OR10A2: variants seen among roughly 807,000 people sequenced by gnomAD.
OR10A2 encodes olfactory receptor 10A2.
A neutral mutation model predicts 13.7 loss-of-function variants in OR10A2; 15 were observed. That is an observed-to-expected ratio of 1.10 (90% confidence interval 0.73 to 1.69). The LOEUF (loss-of-function observed/expected upper bound fraction) is 1.69, where lower values mean the gene tolerates loss of function less well. Ranked by LOEUF, OR10A2 falls within the 40% of genes most tolerant of loss-of-function variation. The pLI is 0.00. For synonymous variants in OR10A2, 145 were observed against 144.7 expected (o/e 1.00, Z -0.02); for missense variants, 343 against 361.1 (o/e 0.95, Z 0.41).
chr11:6,866,449 A>G lies in OR10A2; in HGVS notation c.-133+3098A>G, dbSNP rs141653033. Among the ~76,000 whole-genome samples, 365 of 152,258 alleles carry G rather than the reference A, an allele frequency of 2.4e-3. 5 individuals are homozygous for G. The highest frequency in any genetic ancestry group is 8.5e-3 in the African/African-American group (352 of 41,536). The stretch of plus-strand genomic sequence containing the variant: ...TTTTTTAATTTTAGCTTATCAGCCA[A>G]TTCTTCTTCCCATGTGGCCCAGGGA... On this transcript the variant is annotated intron_variant, in intron 1 of 1. Transcript: ENST00000641461.
intron 1 of OR10A2, among the ~76,000 whole-genome samples, chr11:6,863,782 G>T (rs1335779336): frequency 6.6e-6 from 1 of 152,162 alleles, no homozygotes; most frequent in East Asian, 1.9e-4. Flanking sequence ...TACAGTCAGA[G>T]AAGGCCTAGA....
intron 1 of OR10A2, among the ~76,000 whole-genome samples, chr11:6,864,571 A>T (rs1848365591): frequency 6.6e-6 from 1 of 152,182 alleles, no homozygotes; most frequent in Non-Finnish European, 1.5e-5. Flanking sequence ...GGATAGAGGA[A>T]AATAGAGAAG....
Position 6,870,137 on chromosome 11 carries a change from G to A in OR10A2, c.383G>A (p.Arg128His), listed in dbSNP as rs142536668. The A allele has an allele frequency of 1.2e-4, 189 of 1,614,196 alleles. No homozygotes were observed. The African/African-American group carries it at 2.2e-3, about 19-fold the overall frequency. Residue 128 changes from arginine to histidine, a missense_variant, in exon 2 of 2, where the codon CGT becomes CAT. Physicochemically the swap from Arg to His is conservative, Grantham distance 29. Transcript: ENST00000641461. ...CCAGTCATCATGAACCAAAGGACTC[G>A]TGCCAAACTGGCTGCTGCCTCCTGG... The part of the protein sequence containing the change: ...HYPVIMNQRT[R>H]AKLAAASWFP...
In OR10A2 at chr11:6,872,955, G is replaced by A. The variant is rs1251933815; in HGVS notation, c.*2289G>A. The A allele has an allele frequency of 6.6e-6, 1 of 151,122 alleles. No homozygotes were observed. Among genetic ancestry groups the A allele is most frequent in the African/African-American group, 2.4e-5 (1 of 41,032 alleles). The allele number at this position is 151,122 out of a possible 1,614,324, so 9.4% of individuals were successfully genotyped here. On this transcript the variant is annotated 3_prime_UTR_variant, in exon 2 of 2. Coordinates refer to ENST00000641461, the MANE Select transcript of OR10A2 (RefSeq NM_001004460.2). ...ATGCCTCAGCCTCTTGAGTAGCTGG[G>A]ATTACAGGCGTGCCAAGCCATGCCC...
intron 1 of OR10A2, among the ~76,000 whole-genome samples, chr11:6,868,333 T>A (rs1405729779): frequency 6.6e-6 from 1 of 152,142 alleles, no homozygotes; most frequent in African/African-American, 2.4e-5. Flanking sequence ...AAATAAGTTG[T>A]CTGCTGCTTG....
At position 6,870,622 on chromosome 11, in the gene OR10A2, A is replaced by G. The variant is rs1452894394; in HGVS notation, c.868A>G (p.Arg290Gly). ...RNNEVKNALS[R>G]TVSKALALRN... ...TAACGAGGTGAAGAATGCCCTCAGC[A>G]GGACGGTCTCTAAGGCCCTAGCCCT... is the stretch of plus-strand genomic sequence containing the variant. The change falls in exon 2 of 2, where the codon AGG becomes GGG. Residue 290 changes from arginine (R) to glycine (G), a missense_variant. Arg to Gly is a moderately radical substitution (Grantham distance 125). Transcript: ENST00000641461. 9.9e-6 allele frequency: 16 copies of G among 1,609,896 alleles called. No homozygotes were observed. The highest frequency in any genetic ancestry group is 1.4e-5 in the Non-Finnish European group (16 of 1,177,948).
intron 1 of OR10A2, among the ~76,000 whole-genome samples, chr11:6,868,588 A>G (rs1848398409): frequency 6.6e-6 from 1 of 152,202 alleles, no homozygotes; most frequent in Non-Finnish European, 1.5e-5. Flanking sequence ...TAATATATCC[A>G]AAACACTGAC....
chr11:6,870,689 T>C lies in OR10A2; in HGVS notation c.*23T>C. On this transcript the variant is annotated 3_prime_UTR_variant, in exon 2 of 2. Coordinates refer to ENST00000641461, the MANE Select transcript of OR10A2 (RefSeq NM_001004460.2). Reference sequence around the variant, plus strand: ...TAGACCTTAGGAAGTAAGGCTACATTTTACTGGATGAGAAACAATCAGTCC... The same window carrying C: ...TAGACCTTAGGAAGTAAGGCTACATCTTACTGGATGAGAAACAATCAGTCC... 6.7e-7 allele frequency: 1 copy of C among 1,495,142 alleles called. No individual in the cohort carries two copies. Among genetic ancestry groups the C allele is most frequent in the South Asian group, 1.3e-5 (1 of 74,228 alleles). 92.6% of individuals were successfully genotyped at this position (1,495,142 alleles called of 1,614,324 possible).
rs1312176543 is a variant in OR10A2, at chr11:6,863,352, G to A, written c.-133+1G>A. The A allele has an allele frequency of 7.2e-6, 1 of 137,958 alleles. No homozygotes were observed. Among genetic ancestry groups the A allele is most frequent in the East Asian group, 2.3e-4 (1 of 4,344 alleles). The allele number at this position is 137,958 out of a possible 1,614,324, so 8.5% of individuals were successfully genotyped here. A position where few individuals can be genotyped will look rare whatever the true frequency, so the allele number is the denominator to read the frequency against. Reference sequence around the variant, plus strand: ...AGGCAGATGTTCCTGTTGGACACAGGTAAGCCTTTTTTTTTTTTTTTTTTT... The same window carrying A: ...AGGCAGATGTTCCTGTTGGACACAGATAAGCCTTTTTTTTTTTTTTTTTTT... On this transcript the variant is annotated splice_donor_variant, in intron 1 of 1. Coordinates refer to ENST00000641461, the MANE Select transcript of OR10A2 (RefSeq NM_001004460.2). LOFTEE classifies it low-confidence loss of function (5UTR_SPLICE).
In OR10A2 at chr11:6,869,665, T is replaced by A. The variant is rs375768283; in HGVS notation, c.-90T>A. 8.3e-5 allele frequency: 92 copies of A among 1,108,672 alleles called. No homozygotes were observed. The African/African-American group carries it at 1.3e-3, about 16-fold the overall frequency. 68.7% of individuals were successfully genotyped at this position (1,108,672 alleles called of 1,614,324 possible). ...AACAAATTGAGAATCTGACTTCCAA[T>A]CAATAATCTTTCTCCATGACCACAG... On this transcript the variant is annotated 5_prime_UTR_variant, in exon 2 of 2. Coordinates refer to ENST00000641461, the MANE Select transcript of OR10A2 (RefSeq NM_001004460.2).
rs2741760 is a variant in OR10A2, at chr11:6,873,611, C to G, written c.*2945C>G. On this transcript the variant is annotated 3_prime_UTR_variant, in exon 2 of 2. Transcript: ENST00000641461. The stretch of plus-strand genomic sequence containing the variant: ...TAAGGAACACAAAGCATTTTTGTGT[C>G]ACTGAAAAATCAGCTACACTGGGGA... 0.98 allele frequency: 149,107 copies of G among 152,328 alleles called. 73,072 individuals are homozygous for G. The highest frequency in any genetic ancestry group is 1 in the East Asian group (5,188 of 5,188). 9.4% of individuals were successfully genotyped at this position (152,328 alleles called of 1,614,324 possible). A position where few individuals can be genotyped will look rare whatever the true frequency, so the allele number is the denominator to read the frequency against.
At position 6,870,331 on chromosome 11, in the gene OR10A2, G is replaced by C; in HGVS notation, c.577G>C (p.Val193Leu). 1 of 1,614,124 alleles carries C rather than the reference G, an allele frequency of 6.2e-7. No homozygotes were observed. Among genetic ancestry groups the C allele is most frequent in the Non-Finnish European group, 8.5e-7 (1 of 1,180,030 alleles). Residue 193 changes from valine (V) to leucine (L), a missense_variant, in exon 2 of 2, where the codon GTG becomes CTG. Coordinates refer to ENST00000641461, the MANE Select transcript of OR10A2 (RefSeq NM_001004460.2). ...EIYAIVGTIL[V>L]VMIPCLLILC... is the part of the protein sequence containing the mutation. ...CTACGCCATCGTCGGAACCATTCTGGTGGTCATGATCCCCTGCTTGCTGAT... is the reference window on the plus strand; with the variant it reads ...CTACGCCATCGTCGGAACCATTCTGCTGGTCATGATCCCCTGCTTGCTGAT...
In OR10A2 at chr11:6,872,911, C is replaced by G. The variant is rs1848450806; in HGVS notation, c.*2245C>G. 3 of 149,496 alleles carry G rather than the reference C, an allele frequency of 2.0e-5. No individual in the cohort carries two copies. Among genetic ancestry groups the G allele is most frequent in the Admixed American group, 6.7e-5 (1 of 14,822 alleles). The allele number at this position is 149,496 out of a possible 1,614,324, so 9.3% of individuals were successfully genotyped here. ...CTTGGCTCACTGCAACTTCTGCCTTCTGGGTTCAATCAATTCTCATGCCTC... is the reference window on the plus strand; with the variant it reads ...CTTGGCTCACTGCAACTTCTGCCTTGTGGGTTCAATCAATTCTCATGCCTC... On this transcript the variant is annotated 3_prime_UTR_variant, in exon 2 of 2. Transcript: ENST00000641461.
At position 6,871,675 on chromosome 11, in the gene OR10A2, C is replaced by T. The variant is rs1470304261; in HGVS notation, c.*1009C>T. 1 of 152,202 alleles carries T rather than the reference C, an allele frequency of 6.6e-6. No individual in the cohort carries two copies. The highest frequency in any genetic ancestry group is 1.9e-4 in the East Asian group (1 of 5,202). The allele number at this position is 152,202 out of a possible 1,614,324, so 9.4% of individuals were successfully genotyped here. A position where few individuals can be genotyped will look rare whatever the true frequency, so the allele number is the denominator to read the frequency against. On this transcript the variant is annotated 3_prime_UTR_variant, in exon 2 of 2. Transcript: ENST00000641461. ...TTGAAGTAATATCGTAAATTTCAGT[C>T]ATAGCTTTGCTTTGATGAGAACAAA...
chr11:6,870,427 T>C lies in OR10A2; in HGVS notation c.673T>C (p.Phe225Leu). Residue 225 changes from phenylalanine to leucine, a missense_variant, in exon 2 of 2, where the codon TTT becomes CTT. Transcript: ENST00000641461. Reference sequence around the variant, plus strand: ...ATCAGCTAAAGGGAAGAATAAAGCCTTTTCTACATGTTCCTCACACCTCCT... The same window carrying C: ...ATCAGCTAAAGGGAAGAATAAAGCCCTTTCTACATGTTCCTCACACCTCCT... The part of the protein sequence containing the change: ...IPSAKGKNKA[F>L]STCSSHLLVV... 1 of 1,614,212 alleles carries C rather than the reference T, an allele frequency of 6.2e-7. No homozygotes were observed. Among genetic ancestry groups the C allele is most frequent in the Non-Finnish European group, 8.5e-7 (1 of 1,180,042 alleles).
At chr11:6,867,601 G>A (rs1848389606) in intron 1 of OR10A2, among the ~76,000 whole-genome samples, 1 of 152,076 alleles carries the variant, frequency 6.6e-6, no homozygotes, top group Non-Finnish European at 1.5e-5. Flanking sequence ...TCTTGTTTTT[G>A]AAAAGGGAAA....
At position 6,873,789 on chromosome 11, in the gene OR10A2, T is replaced by A. The variant is rs373499806; in HGVS notation, c.*3123T>A. ...TTAAGACAGCAACTGGTAAGACAGT[T>A]GCTGATAAGACAGATCACATACAAA... On this transcript the variant is annotated 3_prime_UTR_variant, in exon 2 of 2. Transcript: ENST00000641461. 2.1e-5 allele frequency: 2 copies of A among 96,896 alleles called. No homozygotes were observed. Among genetic ancestry groups the A allele is most frequent in the East Asian group, 5.2e-4 (2 of 3,834 alleles). 6.0% of individuals were successfully genotyped at this position (96,896 alleles called of 1,614,324 possible).
intron 1 of OR10A2, among the ~76,000 whole-genome samples, chr11:6,866,588 A>G (rs894733863): frequency 1.3e-5 from 2 of 151,918 alleles, no homozygotes; most frequent in Admixed American, 1.3e-4. Context: ...TTTTTAACCC[A>G]TTCTTATATG....
Position 6,869,794 on chromosome 11 carries a change from C to T in OR10A2, c.40C>T (p.Leu14Phe), listed in dbSNP as rs368290602. 6.8e-6 allele frequency: 11 copies of T among 1,614,016 alleles called. No individual in the cohort carries two copies. The African/African-American group carries it at 9.3e-5, about 14-fold the overall frequency. ...CCTGCCTACTGAAATACAGTCATTACTCTTTCTGACATTTCTAACCATCTA... is the reference window on the plus strand; with the variant it reads ...CCTGCCTACTGAAATACAGTCATTATTCTTTCTGACATTTCTAACCATCTA... The part of the protein sequence containing the change: ...SSLPTEIQSL[L>F]FLTFLTIYLV... Residue 14 changes from leucine (L) to phenylalanine (F), a missense_variant, in exon 2 of 2, where the codon CTC (leucine) becomes TTC (phenylalanine). Physicochemically the swap from Leu to Phe is conservative, Grantham distance 22. Transcript: ENST00000641461.
Sources: allele counts gnomAD v4.1 joint callset (sites outside exome capture counted in the v4.1 genomes callset), GRCh38; gene constraint gnomAD v4.1.1; transcripts MANE v1.5; gene names NCBI Gene and HGNC (gene_info 2026-07-23, HGNC 2026-07-21).